Variants in CCDC73 observed in about 807,000 individuals in gnomAD.
The protein encoded by CCDC73 is coiled-coil domain containing 73.
CCDC73 carries 95 observed loss-of-function variants against 116.5 expected under a neutral mutation model. The ratio of observed to expected loss-of-function variants is 0.82; its 90% CI spans 0.69 to 0.97. The LOEUF (loss-of-function observed/expected upper bound fraction) is 0.97, where lower values mean the gene tolerates loss of function less well. CCDC73 is among the 50% of genes least tolerant of loss of function. The pLI, the probability that CCDC73 is intolerant of heterozygous loss-of-function variation, is 0.00. For missense variants in CCDC73, 1,066 were observed against 1,206.8 expected (o/e 0.88, Z 1.73); for synonymous variants, 398 against 401.3 (o/e 0.99, Z 0.10).
At chr11:32,770,847 T>C (rs774657124) in intron 1 of CCDC73, among the ~76,000 whole-genome samples, 44 of 152,270 alleles carry the variant, frequency 2.9e-4, no homozygotes, top group Admixed American at 9.8e-4. Flanking sequence ...GGATATACTA[T>C]ACAAAAAGGC....
chr11:32,789,201 A>T (rs1221752491), intron 1 of CCDC73, among the ~76,000 whole-genome samples: 44 of 152,222 alleles, frequency 2.9e-4, no homozygotes. Context: ...CTTAGGGGGA[A>T]AAAAAGGGAA....
intron 6 of CCDC73, among the ~76,000 whole-genome samples, chr11:32,698,478 A>T (rs1452400173): frequency 3.3e-5 from 5 of 152,218 alleles, no homozygotes; most frequent in South Asian, 2.1e-4. Flanking sequence ...GCATAATAAC[A>T]GTGGATCCAT....
chr11:32,773,406 AC>A (rs1222484667), intron 1 of CCDC73, among the ~76,000 whole-genome samples: 2 of 152,160 alleles, frequency 1.3e-5, no homozygotes, highest in Admixed American at 6.6e-5. Context: ...TGAATTGCAC[AC>A]TTTGAATGAG....
intron 3 of CCDC73, among the ~76,000 whole-genome samples, chr11:32,705,897 T>C (rs926850233): frequency 6.6e-6 from 1 of 152,140 alleles, no homozygotes; most frequent in Non-Finnish European, 1.5e-5. Flanking sequence ...TATGCCATGA[T>C]TACATTTTTA....
chr11:32,745,752 T>G (rs1375696283), intron 2 of CCDC73, among the ~76,000 whole-genome samples: 8 of 147,106 alleles, frequency 5.4e-5, no homozygotes, highest in Non-Finnish European at 1.2e-4. Flanking sequence ...TTGGTTTTTT[T>G]TTTTTTTTTG....
the CCDC73 span, among the ~76,000 whole-genome samples, chr11:32,819,943 G>A: frequency 5.3e-5 from 8 of 152,114 alleles, no homozygotes; most frequent in Non-Finnish European, 1.2e-4. Flanking sequence ...CTGGAATGAT[G>A]TACTCCAAAT....
At chr11:32,631,529 A>G (rs1238965607) in intron 14 of CCDC73, among the ~76,000 whole-genome samples, 1 of 152,104 alleles carries the variant, frequency 6.6e-6, no homozygotes, top group Non-Finnish European at 1.5e-5. Flanking sequence ...CACAAGAAAA[A>G]TCCTAAAATA....
intron 17 of CCDC73, among the ~76,000 whole-genome samples, chr11:32,608,994 C>T (rs1426669873): frequency 6.6e-6 from 1 of 152,116 alleles, no homozygotes; most frequent in Admixed American, 6.5e-5. Context: ...CCCTGAGCCC[C>T]GCCCACAAAA....
At chr11:32,740,473 A>G (rs1850173680) in intron 2 of CCDC73, among the ~76,000 whole-genome samples, 1 of 151,958 alleles carries the variant, frequency 6.6e-6, no homozygotes. Flanking sequence ...TTTCCAATTT[A>G]TTGGCATATA....
chr11:32,662,812 T>C (rs1855943295), intron 9 of CCDC73, among the ~76,000 whole-genome samples: 1 of 152,206 alleles, frequency 6.6e-6, no homozygotes, highest in South Asian at 2.1e-4. Context: ...AGGGTTTTTA[T>C]GGTTTTAGGT....
chr11:32,794,923 G>A (rs1356357077), upstream of CCDC73, among the ~76,000 whole-genome samples: 1 of 151,022 alleles, frequency 6.6e-6, no homozygotes, highest in Admixed American at 6.6e-5. Flanking sequence ...GGAGTGGAGT[G>A]GCGCGATCTC....
At chr11:32,815,306 A>T in the CCDC73 span, among the ~76,000 whole-genome samples, 2 of 152,026 alleles carry the variant, frequency 1.3e-5, no homozygotes, top group Admixed American at 6.5e-5. Context: ...AAATAAATTC[A>T]TCCATAACTA....
At chr11:32,828,221 A>C in the CCDC73 span, among the ~76,000 whole-genome samples, 1 of 152,198 alleles carries the variant, frequency 6.6e-6, no homozygotes, top group Non-Finnish European at 1.5e-5. Flanking sequence ...TTAGTCAAAA[A>C]TTTGAGGCCG....
chr11:32,811,892 T>A, the CCDC73 span, among the ~76,000 whole-genome samples: 6 of 152,062 alleles, frequency 3.9e-5, no homozygotes, highest in Non-Finnish European at 7.4e-5. Context: ...GTAAACCATA[T>A]CAGATGAATC....
At chr11:32,672,526 G>A (rs1299949685) in intron 9 of CCDC73, among the ~76,000 whole-genome samples, 2 of 152,068 alleles carry the variant, frequency 1.3e-5, no homozygotes, top group Non-Finnish European at 2.9e-5. Flanking sequence ...TAAAGTCATT[G>A]TTAAAAATAT....
chr11:32,802,150 G>T, the CCDC73 span, among the ~76,000 whole-genome samples: 1 of 152,092 alleles, frequency 6.6e-6, no homozygotes, highest in African/African-American at 2.4e-5. Context: ...TATCAGTTAG[G>T]TCCTTCCAAA....
At chr11:32,776,934 AAAATAT>A (rs1426344183) in intron 1 of CCDC73, among the ~76,000 whole-genome samples, 54 of 30,184 alleles carry the variant, frequency 1.8e-3, no homozygotes, top group African/African-American at 5.1e-3. Flanking sequence ...TTAAAAAAAA[AAAATAT>A]ATATATATAT....
intron 1 of CCDC73, among the ~76,000 whole-genome samples, chr11:32,789,202 A>G (rs1197374547): frequency 6.6e-6 from 1 of 152,180 alleles, no homozygotes; most frequent in Admixed American, 6.5e-5. Flanking sequence ...TTAGGGGGAA[A>G]AAAAGGGAAT....
chr11:32,695,246 G>A (rs1220977172), intron 6 of CCDC73, among the ~76,000 whole-genome samples: 1 of 151,902 alleles, frequency 6.6e-6, no homozygotes, highest in East Asian at 1.9e-4. Flanking sequence ...GCATGCGCCT[G>A]TAATCCCAGC....
Sources: allele counts gnomAD v4.1 joint callset (sites outside exome capture counted in the v4.1 genomes callset), GRCh38; gene constraint gnomAD v4.1.1; transcripts MANE v1.5; gene names NCBI Gene and HGNC (gene_info 2026-07-23, HGNC 2026-07-21).